Variants in TTC19 observed in about 807,000 individuals in gnomAD.
TTC19 encodes tetratricopeptide repeat protein 19, mitochondrial.
TTC19 carries 38 observed loss-of-function variants against 49.5 expected under a neutral mutation model. The observed-to-expected ratio is 0.77, with a 90% CI of 0.59 to 1.01. The LOEUF (loss-of-function observed/expected upper bound fraction) is 1.01. Ranked by LOEUF, TTC19 falls within the 50% of genes least tolerant of loss-of-function variation. The pLI is 0.00. For missense variants in TTC19, 475 were observed against 477.7 expected (o/e 0.99, Z 0.05); for synonymous variants, 204 against 185.2 (o/e 1.10, Z -0.83).
chr17:16,039,612 C>T (rs775515288), intron 2 of TTC19: 1 of 1,614,122 alleles, frequency 6.2e-7, no homozygotes, highest in African/African-American at 1.3e-5. Flanking sequence ...CCCAAGATTA[C>T]TGGCAGGATC....
intron 2 of TTC19, chr17:16,034,993 A>G: frequency 6.4e-7 from 1 of 1,551,432 alleles, no homozygotes; most frequent in South Asian, 1.1e-5. Flanking sequence ...GTTCTCAAAA[A>G]TTACCAAAAT....
At chr17:16,043,050 T>G (rs1445284019) in intron 2 of TTC19, among the ~76,000 whole-genome samples, 2 of 152,022 alleles carry the variant, frequency 1.3e-5, no homozygotes, top group Admixed American at 6.5e-5. Context: ...AGACTGAGCT[T>G]CTAAGGAGAC....
chr17:16,019,460 GGCT>G (rs777610640), intron 7 of TTC19, among the ~76,000 whole-genome samples: 3 of 152,164 alleles, frequency 2.0e-5, no homozygotes, highest in East Asian at 1.9e-4. Context: ...AGATTTATTG[GGCT>G]GCTATTTAAA....
In TTC19 at chr17:16,026,714, T is replaced by G. The variant is rs1971573342; in HGVS notation, c.994+12T>G. Reference sequence around the variant, plus strand: ...TTTGATGCACAGAGGTAGGTAGCAATGTAAACTTAACTGACTTGCTTTAAG... The same window carrying G: ...TTTGATGCACAGAGGTAGGTAGCAAGGTAAACTTAACTGACTTGCTTTAAG... On this transcript the variant is annotated intron_variant, in intron 9 of 9. Transcript: ENST00000261647. The G allele has an allele frequency of 6.2e-7, 1 of 1,613,734 alleles. No homozygotes were observed. Among genetic ancestry groups the G allele is most frequent in the Non-Finnish European group, 8.5e-7 (1 of 1,179,780 alleles).
intron 7 of TTC19, among the ~76,000 whole-genome samples, chr17:16,010,606 C>G (rs957036145): frequency 4.6e-5 from 7 of 152,028 alleles, no homozygotes; most frequent in Non-Finnish European, 7.4e-5. Flanking sequence ...TCCCGAGTAG[C>G]TGGGACTACA....
chr17:16,039,339 TAAATG>T (rs201360526), intron 2 of TTC19: 2 of 1,231,336 alleles, frequency 1.6e-6, no homozygotes, highest in Admixed American at 2.1e-5. Context: ...CATAAAGACA[TAAATG>T]AAATGTCTTA....
intron 7 of TTC19, among the ~76,000 whole-genome samples, chr17:16,018,655 T>C (rs904674377): frequency 6.6e-6 from 1 of 152,052 alleles, no homozygotes; most frequent in Non-Finnish European, 1.5e-5. Context: ...TGCATGCTCA[T>C]GTCACCATGC....
rs1971568237 is a variant in TTC19 at position 16,026,544 on chromosome 17, T to C, written c.836T>C (p.Ile279Thr). 3.7e-6 allele frequency: 6 copies of C among 1,613,966 alleles called. No homozygotes were observed. The highest frequency in any genetic ancestry group is 1.3e-5 in the African/African-American group (1 of 74,924). Residue 279 changes from isoleucine (I) to threonine (T), a missense_variant, in exon 9 of 10, where the codon ATT becomes ACT. Coordinates refer to ENST00000261647, the MANE Select transcript of TTC19 (RefSeq NM_017775.4). ...EIQGERHPQTIVLMSDLATTL... is the reference protein window; with the variant it reads ...EIQGERHPQTTVLMSDLATTL... ...TGTTTTTTCTTTTACATACAGACCA[T>C]TGTGCTGATGAGTGACCTGGCTACT...
chr17:16,039,590 A>G (rs371002943), intron 2 of TTC19: 169 of 1,614,152 alleles, frequency 1.0e-4, no homozygotes, highest in Non-Finnish European at 1.4e-4. Flanking sequence ...CCTTCCTGAT[A>G]ATGTCTTCCA....
At position 16,027,459 on chromosome 17, in the gene TTC19, C is replaced by G. The variant is rs1567588485; in HGVS notation, c.1080C>G (p.Ile360Met). The change falls in exon 10 of 10, where the codon ATC becomes ATG. Residue 360 changes from isoleucine (I) to methionine (M), a missense_variant. Coordinates refer to ENST00000261647, the MANE Select transcript of TTC19 (RefSeq NM_017775.4). ...LKKDEISVQH[I>M]REELAELSKK... Reference sequence around the variant, plus strand: ...AAGATGAAATTTCTGTACAACACATCAGGGAAGAGTTGGCTGAGCTGTCAA... The same window carrying G: ...AAGATGAAATTTCTGTACAACACATGAGGGAAGAGTTGGCTGAGCTGTCAA... 6.2e-7 allele frequency: 1 copy of G among 1,614,090 alleles called. No homozygotes were observed. Among genetic ancestry groups the G allele is most frequent in the Non-Finnish European group, 8.5e-7 (1 of 1,179,972 alleles).
At chr17:16,000,820 T>TA (rs1970704687) in intron 2 of TTC19, among the ~76,000 whole-genome samples, 1 of 152,196 alleles carries the variant, frequency 6.6e-6, no homozygotes, top group Non-Finnish European at 1.5e-5. Context: ...CTCTCAGATT[T>TA]AACATGCCCA....
chr17:16,016,768 G>A (rs1971229591), intron 7 of TTC19, among the ~76,000 whole-genome samples: 1 of 151,994 alleles, frequency 6.6e-6, no homozygotes, highest in African/African-American at 2.4e-5. Flanking sequence ...ATGTTGTCCA[G>A]GCTGGTCTCG....
At chr17:16,026,425 T>C in intron 8 of TTC19, 115 bp from the exon 9 acceptor site, 2 of 982,114 alleles carry the variant, frequency 2.0e-6, no homozygotes, top group Non-Finnish European at 3.0e-6. Flanking sequence ...CCCTCATCTT[T>C]TGTGGAATGC....
In TTC19 at chr17:16,000,137, G is replaced by A. The variant is rs2151640793; in HGVS notation, c.204G>A (p.Arg68=). Residue 68 remains arginine, a synonymous_variant, in exon 2 of 10, where the codon AGG becomes AGA. Coordinates refer to ENST00000261647, the MANE Select transcript of TTC19 (RefSeq NM_017775.4). ...CCGCAGCGCTCGCCTGGTTCTCGAG[G>A]CCCGCTGCGGCAGAGGAGGAGGAGC... ...PLLAALAWFS[R]PAAAEEEEQQ... 1 of 1,575,732 alleles carries A rather than the reference G, an allele frequency of 6.3e-7. No individual in the cohort carries two copies. Among genetic ancestry groups the A allele is most frequent in the Non-Finnish European group, 8.6e-7 (1 of 1,169,330 alleles).
At chr17:16,007,669 AT>A (rs1157613579) in intron 7 of TTC19, among the ~76,000 whole-genome samples, 3 of 152,242 alleles carry the variant, frequency 2.0e-5, no homozygotes, top group Non-Finnish European at 4.4e-5. Context: ...CAGCTGCCGT[AT>A]ACAACTTGGG....
At chr17:16,040,808 C>T in intron 2 of TTC19, 1 of 334,484 alleles carries the variant, frequency 3.0e-6, no homozygotes. Flanking sequence ...GGCGGTAGGA[C>T]TGCTTGAGCA....
intron 7 of TTC19, among the ~76,000 whole-genome samples, chr17:16,019,873 TC>T (rs1971320509): frequency 6.6e-6 from 1 of 151,194 alleles, no homozygotes; most frequent in Non-Finnish European, 1.5e-5. Context: ...ACACCTGTAA[TC>T]CCAGCATTTT....
At chr17:16,021,367 G>A (rs887461331) in intron 7 of TTC19, among the ~76,000 whole-genome samples, 3 of 152,222 alleles carry the variant, frequency 2.0e-5, no homozygotes, top group African/African-American at 7.2e-5. Flanking sequence ...CAGCCTGGGC[G>A]ACAGAGTGAG....
At chr17:16,003,796 C>T (rs777143309) in intron 4 of TTC19, 35 bp from the exon 5 acceptor site, 21 of 1,582,100 alleles carry the variant, frequency 1.3e-5, no homozygotes, top group Non-Finnish European at 1.8e-5. Flanking sequence ...AAATGGGGCC[C>T]AATTAAAAGA....
Sources: gnomAD v4.1 joint callset for allele counts (sites outside exome capture counted in the v4.1 genomes callset) on GRCh38, gnomAD v4.1.1 for gene constraint, MANE v1.5 for transcripts, NCBI Gene and HGNC (gene_info 2026-07-23, HGNC 2026-07-21) for gene names.